Variants in CYB5D2 observed in about 807,000 individuals in gnomAD.
CYB5D2 encodes neuferricin.
CYB5D2 carries 23 observed loss-of-function variants against 22.8 expected under a neutral mutation model. The observed-to-expected ratio is 1.01, with a 90% CI of 0.73 to 1.43. The LOEUF (loss-of-function observed/expected upper bound fraction) is 1.43, where lower values mean the gene tolerates loss of function less well. Among genes scored for constraint, CYB5D2 ranks in the 40% most tolerant of loss-of-function variants. The probability of loss-of-function intolerance (pLI) is 0.00; values close to 1 mark genes in which losing one functional copy is unlikely to be tolerated. For synonymous variants in CYB5D2, 170 were observed against 152.2 expected, an observed-to-expected ratio of 1.12 and a Z score of -0.86; for missense variants, 373 against 357.2, an observed-to-expected ratio of 1.04 and a Z score of -0.36.
chr17:4,155,035 G>A (rs1169341947), intron 3 of CYB5D2, among the ~76,000 whole-genome samples, 175 bp downstream of exon 3: 3 of 152,170 alleles, frequency 2.0e-5, no homozygotes, highest in African/African-American at 4.8e-5. Context: ...GGGAATTGCC[G>A]AAATTACGGA....
intron 2 of CYB5D2, 146 bp downstream of exon 2, chr17:4,150,177 G>C (rs1567889196): frequency 9.8e-7 from 1 of 1,016,150 alleles, no homozygotes; most frequent in East Asian, 2.5e-5. Flanking sequence ...TTAGAATAGG[G>C]ATGAGCCGCC....
In CYB5D2 at chr17:4,143,847, CCCGCGCTGGCTTTCGCCTTTTCATA is replaced by C. The variant is rs2058933777; in HGVS notation, c.96_120del (p.Ala33ArgfsTer52). ...GCACGGCTTATGGGCTGGTGGGGTC[CCCGCGCTGGCTTTCGCCTTTTCATA>C]CCGGAGGAGCTGTCTCGCTACCGCG... On this transcript the variant is annotated frameshift_variant, in exon 1 of 4. Coordinates refer to ENST00000301391, the MANE Select transcript of CYB5D2 (RefSeq NM_144611.4). LOFTEE classifies it high-confidence loss of function. 2 of 1,614,112 alleles carry C rather than the reference CCCGCGCTGGCTTTCGCCTTTTCATA, an allele frequency of 1.2e-6. No individual in the cohort carries two copies. Among genetic ancestry groups the C allele is most frequent in the Non-Finnish European group, 1.7e-6 (2 of 1,180,004 alleles).
intron 1 of CYB5D2, among the ~76,000 whole-genome samples, chr17:4,144,992 T>G (rs2058969984): frequency 6.6e-6 from 1 of 152,098 alleles, no homozygotes; most frequent in South Asian, 2.1e-4. Flanking sequence ...TTCACCATGT[T>G]AGCCAGGATG....
chr17:4,154,643 C>G, intron 2 of CYB5D2, 31 bp from the exon 3 acceptor site: 1 of 1,604,448 alleles, frequency 6.2e-7, no homozygotes, highest in Non-Finnish European at 8.5e-7. Flanking sequence ...AGTATTCACT[C>G]TCACTCACAT....
intron 1 of CYB5D2, 56 bp from the exon 2 acceptor site, chr17:4,149,835 G>T (rs914110009): frequency 2.8e-5 from 43 of 1,561,808 alleles, no homozygotes; most frequent in Non-Finnish European, 3.6e-5. Context: ...AGATTCTTGA[G>T]TGGGGATGGT....
At chr17:4,147,169 T>G (rs7224699) in intron 1 of CYB5D2, among the ~76,000 whole-genome samples, 143,211 of 152,216 alleles carry the variant, frequency 0.94, 68,011 homozygotes, top group East Asian at 1. Flanking sequence ...TACTTGGGAG[T>G]TGGAGACAGA....
intron 2 of CYB5D2, chr17:4,151,107 T>A (rs2059052689): frequency 6.6e-6 from 1 of 152,226 alleles, no homozygotes; most frequent in Non-Finnish European, 1.5e-5. Flanking sequence ...CTGAGAACCT[T>A]GGCATTTTTA....
chr17:4,148,810 A>G (rs2059021853), intron 1 of CYB5D2, among the ~76,000 whole-genome samples: 1 of 152,180 alleles, frequency 6.6e-6, no homozygotes, highest in Non-Finnish European at 1.5e-5. Context: ...GGCGACGAGC[A>G]AAATTCCGTC....
chr17:4,155,918 C>G (rs975605782), intron 3 of CYB5D2, among the ~76,000 whole-genome samples: 1 of 152,254 alleles, frequency 6.6e-6, no homozygotes, highest in Non-Finnish European at 1.5e-5. Flanking sequence ...ATCCCTGTGC[C>G]TCAGCTCAGT....
chr17:4,154,729 C>G lies in CYB5D2; in HGVS notation c.447C>G (p.Thr149=), dbSNP rs1194943534. ...GEDGLPTPAL[T]QVEAAITRGL... ...ATGGGCTGCCCACCCCGGCACTGACCCAGGTAGAAGCTGCGATCACCAGAG... is the reference window on the plus strand; with the variant it reads ...ATGGGCTGCCCACCCCGGCACTGACGCAGGTAGAAGCTGCGATCACCAGAG... Residue 149 remains threonine (T), a synonymous_variant, in exon 3 of 4, where the codon ACC becomes ACG. Transcript: ENST00000301391. 2.5e-6 allele frequency: 4 copies of G among 1,614,166 alleles called. No individual in the cohort carries two copies. Among genetic ancestry groups the G allele is most frequent in the Non-Finnish European group, 3.4e-6 (4 of 1,180,030 alleles).
intron 1 of CYB5D2, among the ~76,000 whole-genome samples, chr17:4,148,549 A>G (rs2059018626): frequency 6.8e-6 from 1 of 147,744 alleles, no homozygotes; most frequent in Admixed American, 6.8e-5. Flanking sequence ...GGGGAACTGC[A>G]TTCCCCAGGC....
Position 4,157,202 on chromosome 17 carries a change from T to C in CYB5D2, c.*120T>C, listed in dbSNP as rs953199003. ...GAATCAGGAGGGTCTGGAAGGACTC[T>C]GGCTATATTCTGCAAATGTGGCTCA... is the stretch of plus-strand genomic sequence containing the variant. On this transcript the variant is annotated 3_prime_UTR_variant, in exon 4 of 4. Coordinates refer to ENST00000301391, the MANE Select transcript of CYB5D2 (RefSeq NM_144611.4). This position sits in a 1 kb window ranked among gnomAD's most constrained non-coding sequence, Gnocchi z 4.4. The C allele has an allele frequency of 1.9e-5, 22 of 1,158,478 alleles. No individual in the cohort carries two copies. Among genetic ancestry groups the C allele is most frequent in the Non-Finnish European group, 2.6e-5 (21 of 819,496 alleles). 71.8% of individuals were successfully genotyped at this position (1,158,478 alleles called of 1,614,324 possible).
chr17:4,148,552 C>T (rs2059018741), intron 1 of CYB5D2, among the ~76,000 whole-genome samples: 2 of 151,568 alleles, frequency 1.3e-5, no homozygotes, highest in Admixed American at 6.6e-5. Flanking sequence ...GAACTGCATT[C>T]CCCAGGCTGG....
chr17:4,144,803 T>A (rs1048191780), intron 1 of CYB5D2, among the ~76,000 whole-genome samples: 13 of 152,054 alleles, frequency 8.5e-5, no homozygotes, highest in Non-Finnish European at 1.6e-4. Context: ...GCTTTTTTTT[T>A]AAAGATGGAA....
intron 1 of CYB5D2, among the ~76,000 whole-genome samples, chr17:4,148,607 G>A (rs1247878843): frequency 6.6e-6 from 1 of 151,856 alleles, no homozygotes; most frequent in Admixed American, 6.6e-5. Context: ...CGGAGGCCAA[G>A]GTGGGTGGAT....
At chr17:4,156,312 G>A (rs1306804323) in intron 3 of CYB5D2, among the ~76,000 whole-genome samples, 1 of 152,268 alleles carries the variant, frequency 6.6e-6, no homozygotes. Flanking sequence ...GTGCCATCAA[G>A]GACTGGACCT....
intron 2 of CYB5D2, among the ~76,000 whole-genome samples, chr17:4,152,101 G>C (rs945184615): frequency 6.6e-6 from 1 of 152,112 alleles, no homozygotes; most frequent in African/African-American, 2.4e-5. Context: ...GGAAGTGTTC[G>C]GATGCGTTTG....
intron 1 of CYB5D2, among the ~76,000 whole-genome samples, chr17:4,147,204 G>A (rs1405882026): frequency 6.6e-6 from 1 of 152,200 alleles, no homozygotes; most frequent in Non-Finnish European, 1.5e-5. Flanking sequence ...CGAGGAGGCA[G>A]AGGTTGCAGT....
Position 4,143,529 on chromosome 17 carries a change from GAAAAAAAAAA to G in CYB5D2, c.-221_-212del. The G allele has an allele frequency of 2.8e-6, 1 of 357,064 alleles. No individual in the cohort carries two copies. The highest frequency in any genetic ancestry group is 4.9e-6 in the Non-Finnish European group (1 of 203,740). The allele number at this position is 357,064 out of a possible 1,614,324, so 22.1% of individuals were successfully genotyped here. On this transcript the variant is annotated 5_prime_UTR_variant, in exon 1 of 4. Transcript: ENST00000301391. Reference sequence around the variant, plus strand: ...CAACAAGAGCTAAAACTCTGTCTCAGAAAAAAAAAAAAAAAGTACCTGGAAAAAGTCGCAG... The same window carrying G: ...CAACAAGAGCTAAAACTCTGTCTCAGAAAAAGTACCTGGAAAAAGTCGCAG...
Sources: allele counts gnomAD v4.1 joint callset (sites outside exome capture counted in the v4.1 genomes callset), GRCh38; gene constraint gnomAD v4.1.1; non-coding constraint Gnocchi (gnomAD v3.1); transcripts MANE v1.5; gene names NCBI Gene and HGNC (gene_info 2026-07-23, HGNC 2026-07-21).